The following GRIK4 variants were observed in gnomAD, a reference collection of about 807,000 sequenced individuals.
The protein encoded by GRIK4 is glutamate ionotropic receptor kainate type subunit 4.
A neutral mutation model predicts 104.9 loss-of-function variants in GRIK4; 40 were observed. The observed-to-expected ratio is 0.38, with a 90% CI of 0.30 to 0.50. The LOEUF is 0.50. Ranked by LOEUF, GRIK4 falls within the 20% of genes least tolerant of loss-of-function variation. The pLI is 0.93. For missense variants in GRIK4, 1,047 were observed against 1,308.1 expected (o/e 0.80, Z 3.08); for synonymous variants, 485 against 524.9 (o/e 0.92, Z 1.04).
intron 1 of GRIK4, among the ~76,000 whole-genome samples, chr11:120,597,725 T>C (rs1948824019): frequency 6.6e-6 from 1 of 152,154 alleles, no homozygotes; most frequent in Non-Finnish European, 1.5e-5. Context: ...CCTAATACAG[T>C]GCAGCATTCG....
At chr11:120,789,422 A>G (rs1472189949) in intron 3 of GRIK4, among the ~76,000 whole-genome samples, 2 of 151,980 alleles carry the variant, frequency 1.3e-5, no homozygotes, top group Non-Finnish European at 2.9e-5. Flanking sequence ...TGCCCGGTTT[A>G]TCTCACTAGA....
At chr11:120,668,934 G>A (rs928192475) in intron 3 of GRIK4, among the ~76,000 whole-genome samples, 1 of 152,116 alleles carries the variant, frequency 6.6e-6, no homozygotes, top group African/African-American at 2.4e-5. Context: ...ATGGTGTCAG[G>A]CATACAGTAA....
At chr11:120,621,064 A>T (rs1006987418) in intron 1 of GRIK4, among the ~76,000 whole-genome samples, 8 of 152,200 alleles carry the variant, frequency 5.3e-5, no homozygotes, top group Non-Finnish European at 1.0e-4. Context: ...TGGGTGGTTC[A>T]GTGCTGAGAA....
Position 120,558,137 on chromosome 11 carries a change from TACTTA to T in GRIK4, c.-159+46253_-159+46257del, listed in dbSNP as rs565631706. On this transcript the variant is annotated intron_variant, in intron 1 of 20. Coordinates refer to ENST00000527524, the MANE Select transcript of GRIK4 (RefSeq NM_014619.5). ...ACAAGCTGTGCAACTTTGAGCAAGTTACTTAACCTCTCTGAGCCTCAGTTTTCTTA... is the reference window on the plus strand; with the variant it reads ...ACAAGCTGTGCAACTTTGAGCAAGTTACCTCTCTGAGCCTCAGTTTTCTTA... Among the ~76,000 whole-genome samples, 467 of 152,334 alleles carry T rather than the reference TACTTA, an allele frequency of 3.1e-3. 3 individuals carry two copies. The highest frequency in any genetic ancestry group is 7.4e-3 in the Admixed American group (113 of 15,302).
At chr11:120,620,827 C>T (rs1027152578) in intron 1 of GRIK4, among the ~76,000 whole-genome samples, 8 of 152,146 alleles carry the variant, frequency 5.3e-5, no homozygotes, top group South Asian at 2.1e-4. Context: ...TGGGCATGCA[C>T]GATGTGCCGG....
intron 3 of GRIK4, among the ~76,000 whole-genome samples, chr11:120,674,955 T>C (rs1950075874): frequency 6.6e-6 from 1 of 152,214 alleles, no homozygotes; most frequent in Admixed American, 6.5e-5. Flanking sequence ...TAAGGAATTT[T>C]CCTTGCACCT....
intron 1 of GRIK4, among the ~76,000 whole-genome samples, chr11:120,533,478 C>T (rs1328720312): frequency 6.6e-6 from 1 of 152,166 alleles, no homozygotes; most frequent in African/African-American, 2.4e-5. Flanking sequence ...CTCCCATTGC[C>T]CCTGCTGCCT....
intron 7 of GRIK4, among the ~76,000 whole-genome samples, chr11:120,835,432 G>A (rs1953548653): frequency 1.3e-5 from 2 of 152,210 alleles, no homozygotes; most frequent in African/African-American, 4.8e-5. Context: ...GCAGCCTGAG[G>A]CAGGAGAATC....
At chr11:120,790,811 T>A (rs1952379425) in intron 3 of GRIK4, among the ~76,000 whole-genome samples, 1 of 152,160 alleles carries the variant, frequency 6.6e-6, no homozygotes, top group East Asian at 1.9e-4. Flanking sequence ...CTCAGCAGTC[T>A]TTAGTGGGTG....
At chr11:120,764,493 T>C (rs1425538152) in intron 3 of GRIK4, among the ~76,000 whole-genome samples, 1 of 152,252 alleles carries the variant, frequency 6.6e-6, no homozygotes, top group Non-Finnish European at 1.5e-5. Flanking sequence ...ATTATGATGC[T>C]AGCTGGTTAT....
intron 9 of GRIK4, chr11:120,868,277 A>G (rs1385985603): frequency 6.6e-6 from 1 of 152,206 alleles, no homozygotes; most frequent in African/African-American, 2.4e-5. Flanking sequence ...AGAAAATAAC[A>G]ATGAAGAACC....
chr11:120,640,951 A>G (rs910978945), intron 1 of GRIK4, among the ~76,000 whole-genome samples: 3 of 152,214 alleles, frequency 2.0e-5, no homozygotes, highest in African/African-American at 7.2e-5. Flanking sequence ...ACCTCAGGCA[A>G]TCTGCCCACC....
intron 9 of GRIK4, among the ~76,000 whole-genome samples, chr11:120,863,127 C>T (rs994819439): frequency 4.6e-5 from 7 of 152,178 alleles, no homozygotes; most frequent in South Asian, 2.1e-4. Flanking sequence ...TTCCTTGCCA[C>T]GCTGTACTGT....
intron 3 of GRIK4, among the ~76,000 whole-genome samples, chr11:120,753,138 C>A (rs1328076901): frequency 6.6e-6 from 1 of 152,172 alleles, no homozygotes; most frequent in Non-Finnish European, 1.5e-5. Context: ...AGAAAATGGG[C>A]AAGAAAGCTC....
intron 14 of GRIK4, among the ~76,000 whole-genome samples, chr11:120,944,357 A>T (rs555079764): frequency 9.2e-5 from 14 of 152,220 alleles, no homozygotes; most frequent in Non-Finnish European, 1.9e-4. Context: ...CCTGAGTTCC[A>T]GTAGTGTAAT....
At chr11:120,779,924 A>T (rs17124324) in intron 3 of GRIK4, among the ~76,000 whole-genome samples, 7,725 of 152,248 alleles carry the variant, frequency 0.051, 377 homozygotes, top group African/African-American at 0.12. Context: ...ATTCCTCAAC[A>T]TGTCTGCTGT....
Position 120,782,783 on chromosome 11 carries a change from C to T in GRIK4, c.83-19910C>T, listed in dbSNP as rs539771165. Among the ~76,000 whole-genome samples, 10 of 152,190 alleles carry T rather than the reference C, an allele frequency of 6.6e-5. No homozygotes were observed. The East Asian group carries it at 1.3e-3, about 21-fold the overall frequency. ...GTTGTGACATGAAAAGGGTCCACGCCGGTGGTTCTAAGCTGGGGGCAATTT... is the reference window on the plus strand; with the variant it reads ...GTTGTGACATGAAAAGGGTCCACGCTGGTGGTTCTAAGCTGGGGGCAATTT... On this transcript the variant is annotated intron_variant, in intron 3 of 20. Coordinates refer to ENST00000527524, the MANE Select transcript of GRIK4 (RefSeq NM_014619.5).
chr11:120,620,447 G>A (rs1357616270), intron 1 of GRIK4, among the ~76,000 whole-genome samples: 2 of 152,004 alleles, frequency 1.3e-5, no homozygotes, highest in Non-Finnish European at 2.9e-5. Flanking sequence ...CTATTCCAGG[G>A]CCACTCCCCC....
chr11:120,955,810 C>CT (rs11451797), intron 15 of GRIK4, among the ~76,000 whole-genome samples: 26,533 of 146,878 alleles, frequency 0.18, 2,501 homozygotes, highest in East Asian at 0.32. Flanking sequence ...CAGCAGCATT[C>CT]TTTTTTTTTT....
Sources: gnomAD v4.1 joint callset for allele counts (sites outside exome capture counted in the v4.1 genomes callset) on GRCh38, gnomAD v4.1.1 for gene constraint, MANE v1.5 for transcripts, NCBI Gene and HGNC (gene_info 2026-07-23, HGNC 2026-07-21) for gene names.